The following HECW2 variants were observed in gnomAD, a reference collection of about 807,000 sequenced individuals.
HECW2 encodes E3 ubiquitin-protein ligase HECW2.
In HECW2, 61 loss-of-function variants were observed where a neutral mutation model predicts 175.2. That is an observed-to-expected ratio of 0.35 (90% CI 0.28 to 0.43). HECW2 has a LOEUF of 0.43. Ranked by LOEUF, HECW2 falls within the 20% of genes least tolerant of loss-of-function variation. The pLI is 1.00. For synonymous variants in HECW2, 671 were observed against 731.0 expected (o/e 0.92, Z 1.32); for missense variants, 1,524 against 2,000.5 (o/e 0.76, Z 4.54).
intron 1 of HECW2, among the ~76,000 whole-genome samples, chr2:196,586,327 A>G (rs1478610269): frequency 6.6e-6 from 1 of 152,194 alleles, no homozygotes. Flanking sequence ...TAGGTATACC[A>G]CTTGATATAA....
intron 5 of HECW2, 35 bp downstream of exon 5, chr2:196,329,540 T>A (rs765546531): frequency 6.4e-7 from 1 of 1,562,894 alleles, no homozygotes; most frequent in East Asian, 2.2e-5. Flanking sequence ...ACTGTACACT[T>A]TCAAACTGGA....
chr2:196,400,629 T>C (rs971141778), intron 2 of HECW2, among the ~76,000 whole-genome samples: 6 of 152,184 alleles, frequency 3.9e-5, no homozygotes, highest in African/African-American at 1.4e-4. Context: ...AAAGACCTTC[T>C]TGGACTGAAT....
rs183267855 is a variant in HECW2 at position 196,541,662 on chromosome 2, C to T, written c.-36+51846G>A. ...TGGTAAGTGTGCATAAGGAATAATT[C>T]AATCACCTTTCATGATTCTCTGCTT... On this transcript the variant is annotated intron_variant, in intron 1 of 28. Transcript: ENST00000644978. Among the ~76,000 whole-genome samples, 99 of 152,058 alleles carry T rather than the reference C, an allele frequency of 6.5e-4. 1 individual carries two copies. Among genetic ancestry groups the T allele is most frequent in the African/African-American group, 2.3e-3 (96 of 41,504 alleles).
At chr2:196,336,354 G>A (rs543354692) in intron 3 of HECW2, among the ~76,000 whole-genome samples, 14 of 152,186 alleles carry the variant, frequency 9.2e-5, no homozygotes, top group Non-Finnish European at 1.8e-4. Flanking sequence ...TAGTGTGCAC[G>A]AGGACGGTCC....
At chr2:196,320,523 C>T (rs753657512) in intron 7 of HECW2, 84 bp from the exon 8 acceptor site, 87 of 739,100 alleles carry the variant, frequency 1.2e-4, no homozygotes, top group Non-Finnish European at 1.9e-4. Flanking sequence ...CACCAAATCC[C>T]TCCTATCTCT....
chr2:196,514,098 G>A (rs1172708834), intron 1 of HECW2, among the ~76,000 whole-genome samples: 3 of 152,160 alleles, frequency 2.0e-5, no homozygotes, highest in African/African-American at 7.2e-5. Context: ...GCAGACCCAG[G>A]CTTCCCTGCA....
chr2:196,276,844 T>C (rs752698897), intron 15 of HECW2, among the ~76,000 whole-genome samples: 58 of 152,236 alleles, frequency 3.8e-4, no homozygotes, highest in Non-Finnish European at 6.3e-4. Context: ...TTGGAGCAAG[T>C]ATATAAATCA....
intron 1 of HECW2, among the ~76,000 whole-genome samples, chr2:196,537,283 A>G (rs192224173): frequency 6.6e-6 from 1 of 152,248 alleles, no homozygotes; most frequent in East Asian, 1.9e-4. Context: ...GAAACTGAGA[A>G]TGTGCTGTCC....
intron 16 of HECW2, 76 bp from the exon 17 acceptor site, chr2:196,271,365 G>T: frequency 9.4e-7 from 1 of 1,058,486 alleles, no homozygotes; most frequent in Non-Finnish European, 1.4e-6. Context: ...ATCCAAACCT[G>T]TGTGCCCCAC....
At chr2:196,369,470 G>A (rs1256047421) in intron 2 of HECW2, among the ~76,000 whole-genome samples, 2 of 151,766 alleles carry the variant, frequency 1.3e-5, no homozygotes, top group Non-Finnish European at 2.9e-5. Context: ...CAGACCTGAA[G>A]CCAGCACAGC....
chr2:196,445,809 T>C (rs1444456540), intron 1 of HECW2, among the ~76,000 whole-genome samples: 10 of 152,196 alleles, frequency 6.6e-5, no homozygotes. Flanking sequence ...CTAAAAAATA[T>C]GGCGTGCATT....
intron 1 of HECW2, among the ~76,000 whole-genome samples, chr2:196,510,471 G>A (rs1251349588): frequency 1.3e-5 from 2 of 152,166 alleles, no homozygotes; most frequent in Non-Finnish European, 2.9e-5. Context: ...ATCTAGTGGG[G>A]ATGCTCCTTT....
chr2:196,521,780 A>G (rs1181384444), intron 1 of HECW2, among the ~76,000 whole-genome samples: 5 of 149,044 alleles, frequency 3.4e-5, no homozygotes, highest in South Asian at 2.2e-4. Flanking sequence ...ATGATTTCCA[A>G]TTTCATCCAT....
intron 1 of HECW2, among the ~76,000 whole-genome samples, chr2:196,464,722 T>C (rs928562800): frequency 1.5e-5 from 2 of 137,434 alleles, no homozygotes; most frequent in South Asian, 4.2e-4. Context: ...AGGATAAGAC[T>C]GTGCTTGTAA....
chr2:196,325,239 GAAGAAGGAAGGA>G, intron 5 of HECW2, 90 bp from the exon 6 acceptor site: 1 of 908,860 alleles, frequency 1.1e-6, no homozygotes, highest in South Asian at 1.8e-5. Flanking sequence ...ACAAGGGACA[GAAGAAGGAAGGA>G]TTCATATGTC....
At chr2:196,263,607 A>G (rs1445350603) in intron 17 of HECW2, 1 of 152,228 alleles carries the variant, frequency 6.6e-6, no homozygotes, top group East Asian at 1.9e-4. Context: ...CTGATCATTC[A>G]TACTCATTAT....
chr2:196,220,448 G>A (rs547471306), intron 25 of HECW2, among the ~76,000 whole-genome samples: 171 of 152,210 alleles, frequency 1.1e-3, no homozygotes, highest in African/African-American at 3.8e-3. Context: ...TACAATACAT[G>A]CCAACTCATT....
intron 17 of HECW2, among the ~76,000 whole-genome samples, chr2:196,268,295 C>G (rs1297882011): frequency 6.6e-6 from 1 of 152,136 alleles, no homozygotes; most frequent in Admixed American, 6.5e-5. Context: ...TGGTCACATT[C>G]TGTAAAGATG....
chr2:196,252,802 C>G (rs910100941), intron 19 of HECW2, among the ~76,000 whole-genome samples: 2 of 152,238 alleles, frequency 1.3e-5, no homozygotes, highest in Non-Finnish European at 2.9e-5. Context: ...TTTGGTCCAC[C>G]TGGTAAACTC....
Sources: gnomAD v4.1 joint callset for allele counts (sites outside exome capture counted in the v4.1 genomes callset) on GRCh38, gnomAD v4.1.1 for gene constraint, MANE v1.5 for transcripts, NCBI Gene and HGNC (gene_info 2026-07-23, HGNC 2026-07-21) for gene names.